Variants in RDX observed in about 807,000 individuals in gnomAD.
RDX encodes radixin.
RDX carries 32 observed loss-of-function variants against 83.7 expected under a neutral mutation model. The observed-to-expected ratio is 0.38, with a 90% confidence interval of 0.29 to 0.51. The LOEUF (loss-of-function observed/expected upper bound fraction) is 0.51, where lower values mean the gene tolerates loss of function less well. Among genes scored for constraint, RDX ranks in the 20% least tolerant of loss-of-function variants. RDX has a pLI of 0.87. For missense variants in RDX, 600 were observed against 689.9 expected (o/e 0.87, Z 1.46); for synonymous variants, 229 against 222.7 (o/e 1.03, Z -0.25).
intron 3 of RDX, among the ~76,000 whole-genome samples, chr11:110,265,229 T>C (rs1352056986): frequency 6.6e-6 from 1 of 151,910 alleles, no homozygotes; most frequent in Non-Finnish European, 1.5e-5. Flanking sequence ...TAGCTGTGAT[T>C]ACAGGTATGC....
chr11:110,266,891 GGTTTGTTT>G (rs113879456), intron 3 of RDX, among the ~76,000 whole-genome samples: 14 of 150,284 alleles, frequency 9.3e-5, no homozygotes, highest in East Asian at 2.0e-4. Context: ...CTTGGCCCTT[GGTTTGTTT>G]GTTTGTTTGT....
At chr11:110,259,561 T>C (rs951589204) in intron 5 of RDX, among the ~76,000 whole-genome samples, 2 of 152,220 alleles carry the variant, frequency 1.3e-5, no homozygotes, top group African/African-American at 4.8e-5. Flanking sequence ...GACATACTGT[T>C]ATGTTCTTAT....
rs1036339615 is a variant in RDX, at chr11:110,189,248, A to T, written c.*31+10333T>A. On this transcript the variant is annotated intron_variant, in intron 15 of 15. Transcript: ENST00000528498. The stretch of plus-strand genomic sequence containing the variant: ...AACTTTAAATGAACAACAGGTAAAA[A>T]AAAAAAAAAAAAAAAAAAAAGACAA... Among the ~76,000 whole-genome samples the T allele has an allele frequency of 7.7e-3, 1,002 of 129,594 alleles. 37 individuals are homozygous for T. The East Asian group carries it at 0.094, about 12-fold the overall frequency. The allele number at this position is 129,594 out of a possible 152,430, so 85.0% of individuals were successfully genotyped here.
Position 110,231,768 on chromosome 11 carries a change from T to A in RDX, c.*101A>T. The A allele has an allele frequency of 7.6e-7, 1 of 1,310,436 alleles. No homozygotes were observed. Among genetic ancestry groups the A allele is most frequent in the Non-Finnish European group, 1.1e-6 (1 of 913,896 alleles). The allele number at this position is 1,310,436 out of a possible 1,614,324, so 81.2% of individuals were successfully genotyped here. A position where few individuals can be genotyped will look rare whatever the true frequency, so the allele number is the denominator to read the frequency against. On this transcript the variant is annotated 3_prime_UTR_variant, in exon 14 of 14. Transcript: ENST00000645495. Reference sequence around the variant, plus strand: ...GCTAGCACAGTCAAACTGGTGTAAGTGCTTTGGCAAGGTGGGATGCATTCC... The same window carrying A: ...GCTAGCACAGTCAAACTGGTGTAAGAGCTTTGGCAAGGTGGGATGCATTCC...
At chr11:110,286,783 A>G (rs1446046685) in intron 1 of RDX, among the ~76,000 whole-genome samples, 1 of 152,224 alleles carries the variant, frequency 6.6e-6, no homozygotes, top group African/African-American at 2.4e-5. Context: ...TAAACTGAAT[A>G]AGGCAACTCT....
chr11:110,232,528 C>A (rs1591132317), intron 13 of RDX, among the ~76,000 whole-genome samples: 1 of 149,570 alleles, frequency 6.7e-6, no homozygotes, highest in Middle Eastern at 3.4e-3. Flanking sequence ...AATATACTGA[C>A]CTTTTGCCAA....
At chr11:110,287,362 T>C (rs907144193) in intron 1 of RDX, among the ~76,000 whole-genome samples, 7 of 152,072 alleles carry the variant, frequency 4.6e-5, no homozygotes, top group Admixed American at 3.3e-4. Flanking sequence ...AAAAATTAAA[T>C]TAAAAAATAG....
At chr11:110,286,653 T>C (rs962957227) in intron 1 of RDX, among the ~76,000 whole-genome samples, 13 of 152,256 alleles carry the variant, frequency 8.5e-5, no homozygotes, top group Non-Finnish European at 2.9e-5. Flanking sequence ...AATTTTTTTC[T>C]GCCTTTTCGG....
At chr11:110,179,345 G>T (rs1445713928) in intron 15 of RDX, among the ~76,000 whole-genome samples, 1 of 152,194 alleles carries the variant, frequency 6.6e-6, no homozygotes, top group African/African-American at 2.4e-5. Context: ...CCAGCCCAGA[G>T]CCACCACCCA....
At chr11:110,215,403 AATAAATAAAAT>A (rs957315156) in intron 14 of RDX, among the ~76,000 whole-genome samples, 6 of 150,610 alleles carry the variant, frequency 4.0e-5, no homozygotes, top group Non-Finnish European at 5.9e-5. Flanking sequence ...TAAATAAATA[AATAAATAAAAT>A]AATAATAATG....
chr11:110,263,789 A>T (rs1859899286), intron 5 of RDX, among the ~76,000 whole-genome samples, 171 bp downstream of exon 5: 1 of 150,060 alleles, frequency 6.7e-6, no homozygotes. Flanking sequence ...GATGGCTTGA[A>T]CCCAGGAGGC....
intron 5 of RDX, 76 bp downstream of exon 5, chr11:110,263,884 C>T: frequency 8.9e-7 from 1 of 1,125,678 alleles, no homozygotes. Flanking sequence ...AAAAAAAAAA[C>T]CTGAAAAACG....
At chr11:110,204,864 A>G (rs1320675370) in intron 14 of RDX, among the ~76,000 whole-genome samples, 3 of 152,196 alleles carry the variant, frequency 2.0e-5, no homozygotes, top group African/African-American at 7.2e-5. Context: ...ATTTCCAAGC[A>G]AAAGTCCCCA....
At chr11:110,249,968 C>T (rs936516703) in intron 9 of RDX, among the ~76,000 whole-genome samples, 1 of 152,170 alleles carries the variant, frequency 6.6e-6, no homozygotes, top group African/African-American at 2.4e-5. Flanking sequence ...GAGGTACTTT[C>T]GCAACAGCAA....
intron 10 of RDX, among the ~76,000 whole-genome samples, chr11:110,239,843 A>T (rs1350282625): frequency 0.011 from 1,626 of 146,240 alleles, 20 homozygotes; most frequent in African/African-American, 0.03. Context: ...TCTGTTTTTA[A>T]AAAAAAAAAA....
chr11:110,226,606 T>TA (rs1051867036), downstream of RDX, among the ~76,000 whole-genome samples: 51 of 152,262 alleles, frequency 3.3e-4, no homozygotes, highest in African/African-American at 1.2e-3. Context: ...ACTGTACACT[T>TA]AAAAAATGGT....
At chr11:110,266,308 G>C (rs1239019257) in intron 3 of RDX, among the ~76,000 whole-genome samples, 1 of 151,926 alleles carries the variant, frequency 6.6e-6, no homozygotes, top group African/African-American at 2.4e-5. Flanking sequence ...ACTCCAGCCT[G>C]GGCGACAGAG....
chr11:110,276,174 A>T (rs1383009092), intron 2 of RDX, among the ~76,000 whole-genome samples: 1 of 152,148 alleles, frequency 6.6e-6, no homozygotes, highest in Non-Finnish European at 1.5e-5. Context: ...ACAATTTTCA[A>T]TGATTTTTGC....
chr11:110,177,149 GGAGAGATGCTCATGGA>G (rs1862790992), intron 15 of RDX, among the ~76,000 whole-genome samples: 1 of 152,252 alleles, frequency 6.6e-6, no homozygotes, highest in African/African-American at 2.4e-5. Flanking sequence ...GCCAAGACAA[GGAGAGATGCTCATGGA>G]GAAGAATTTC....
Sources: allele counts gnomAD v4.1 joint callset (sites outside exome capture counted in the v4.1 genomes callset), GRCh38; gene constraint gnomAD v4.1.1; transcripts MANE v1.5; gene names NCBI Gene and HGNC (gene_info 2026-07-23, HGNC 2026-07-21).